The following FRY variants were observed in gnomAD, a reference collection of about 807,000 sequenced individuals.
FRY encodes the protein protein furry homolog.
A neutral mutation model predicts 348.4 loss-of-function variants in FRY; 128 were observed. That is an observed-to-expected ratio of 0.37 (90% confidence interval 0.32 to 0.43). The LOEUF (loss-of-function observed/expected upper bound fraction) is 0.43, where lower values mean the gene tolerates loss of function less well. Ranked by LOEUF, FRY falls within the 20% of genes least tolerant of loss-of-function variation. FRY has a pLI of 1.00. For synonymous variants in FRY, 1,370 were observed against 1,374.7 expected (o/e 1.00, Z 0.08); for missense variants, 2,736 against 3,695.2 (o/e 0.74, Z 6.73).
rs137988491 is a variant in FRY, at chr13:32,266,137, A to T, written c.7946+521A>T. 7.1e-4 allele frequency among the ~76,000 whole-genome samples: 108 copies of T among 152,342 alleles called. 1 individual carries two copies. In the East Asian group the frequency reaches 0.018, roughly 26 times the overall value. On this transcript the variant is annotated intron_variant, in intron 54 of 60. Transcript: ENST00000542859. ...ATCCAGCATCTAGAATAAATCACAAATAATAATGCTACAGATCTACTTCAG... is the reference window on the plus strand; with the variant it reads ...ATCCAGCATCTAGAATAAATCACAATTAATAATGCTACAGATCTACTTCAG...
At chr13:32,272,872 A>G (rs1888274688) in intron 55 of FRY, among the ~76,000 whole-genome samples, 1 of 151,224 alleles carries the variant, frequency 6.6e-6, no homozygotes, top group Non-Finnish European at 1.5e-5. Context: ...AGTAGCTGGG[A>G]TTACAGGTAC....
At chr13:32,196,182 A>G (rs1566124703) in intron 29 of FRY, among the ~76,000 whole-genome samples, 2 of 152,306 alleles carry the variant, frequency 1.3e-5, no homozygotes, top group East Asian at 3.9e-4. Context: ...TGCAAACTGA[A>G]TTTTATTTTA....
intron 1 of FRY, among the ~76,000 whole-genome samples, chr13:32,072,432 AT>A (rs1377347892): frequency 6.6e-6 from 1 of 151,762 alleles, no homozygotes; most frequent in East Asian, 1.9e-4. Context: ...GAAACTATTG[AT>A]TTTTTTTGTC....
intron 1 of FRY, among the ~76,000 whole-genome samples, chr13:32,043,994 A>G (rs1213627352): frequency 6.6e-5 from 10 of 152,184 alleles, no homozygotes. Flanking sequence ...CAGGAGTTTG[A>G]GACCAGCCTG....
At chr13:32,245,006 GT>G (rs1283883409) in intron 47 of FRY, among the ~76,000 whole-genome samples, 1 of 152,064 alleles carries the variant, frequency 6.6e-6, no homozygotes, top group Non-Finnish European at 1.5e-5. Flanking sequence ...CTGGAGTGCA[GT>G]GGCACAATCT....
At chr13:32,093,804 C>T (rs368535205) in intron 2 of FRY, among the ~76,000 whole-genome samples, 3 of 152,178 alleles carry the variant, frequency 2.0e-5, no homozygotes, top group African/African-American at 7.2e-5. Flanking sequence ...CAGCTAAGAA[C>T]TTTCAGGGAC....
intron 26 of FRY, among the ~76,000 whole-genome samples, chr13:32,185,453 T>G (rs1318216957): frequency 6.6e-6 from 1 of 152,216 alleles, no homozygotes; most frequent in African/African-American, 2.4e-5. Context: ...AGAAGGAACA[T>G]TCACACAGGC....
chr13:32,155,079 C>T (rs1031117844), intron 14 of FRY, among the ~76,000 whole-genome samples: 3 of 152,162 alleles, frequency 2.0e-5, no homozygotes, highest in Non-Finnish European at 2.9e-5. Flanking sequence ...ATTTGGAACC[C>T]TGGGTGTTTC....
chr13:32,071,395 G>A (rs1874649478), intron 1 of FRY, among the ~76,000 whole-genome samples: 1 of 152,172 alleles, frequency 6.6e-6, no homozygotes, highest in Non-Finnish European at 1.5e-5. Flanking sequence ...TCATTGAGCA[G>A]TGATTTGTAG....
Position 32,036,687 on chromosome 13 carries a change from T to C in FRY, c.70+4822T>C, listed in dbSNP as rs895740589. Among the ~76,000 whole-genome samples the C allele has an allele frequency of 6.6e-5, 10 of 151,848 alleles. No individual in the cohort carries two copies. The East Asian group carries it at 1.4e-3, about 21-fold the overall frequency. On this transcript the variant is annotated intron_variant, in intron 1 of 60. Transcript: ENST00000542859. ...AGCAAAGGACGCCATATGACCACTCTGTTTATTATCTTCACTCTTTCCAAT... is the reference window on the plus strand; with the variant it reads ...AGCAAAGGACGCCATATGACCACTCCGTTTATTATCTTCACTCTTTCCAAT...
At chr13:32,194,824 C>A (rs779519147) in intron 29 of FRY, among the ~76,000 whole-genome samples, 81 of 152,286 alleles carry the variant, frequency 5.3e-4, no homozygotes, top group Non-Finnish European at 9.6e-4. Context: ...AGCCATTCAG[C>A]ATGATTTATG....
At chr13:32,265,666 T>C (rs369129461) in intron 54 of FRY, 50 bp downstream of exon 54, 8 of 1,544,182 alleles carry the variant, frequency 5.2e-6, no homozygotes, top group Non-Finnish European at 7.1e-6. Flanking sequence ...CATGGTACAT[T>C]ATATGGCATT....
intron 40 of FRY, among the ~76,000 whole-genome samples, chr13:32,230,467 C>T (rs1593774479): frequency 6.6e-6 from 1 of 152,180 alleles, no homozygotes; most frequent in East Asian, 1.9e-4. Flanking sequence ...TAGCCTCTAG[C>T]TCCATCCATG....
chr13:32,265,703 C>T lies in FRY; in HGVS notation c.7946+87C>T, dbSNP rs1887888878. The T allele has an allele frequency of 7.0e-6, 9 of 1,294,224 alleles. No individual in the cohort carries two copies. In the South Asian group the frequency reaches 1.1e-4, roughly 16 times the overall value. The allele number at this position is 1,294,224 out of a possible 1,614,324, so 80.2% of individuals were successfully genotyped here. Reference sequence around the variant, plus strand: ...ACACTCAAGTTAAGTGTCACAGTTGCACTGCTGGGACATCCTAATAAAGGA... The same window carrying T: ...ACACTCAAGTTAAGTGTCACAGTTGTACTGCTGGGACATCCTAATAAAGGA... On this transcript the variant is annotated intron_variant, in intron 54 of 60. Transcript: ENST00000542859.
chr13:32,156,111 G>T (rs1881091760), intron 15 of FRY, among the ~76,000 whole-genome samples: 1 of 152,122 alleles, frequency 6.6e-6, no homozygotes, highest in South Asian at 2.1e-4. Flanking sequence ...TAGACTACAT[G>T]AGATGATTTT....
intron 4 of FRY, among the ~76,000 whole-genome samples, chr13:32,119,090 G>A (rs1878486525): frequency 6.6e-6 from 1 of 152,176 alleles, no homozygotes; most frequent in Admixed American, 6.5e-5. Flanking sequence ...AGTAAGTACT[G>A]AGATCAGATA....
chr13:32,117,147 G>C (rs372187560), intron 3 of FRY, among the ~76,000 whole-genome samples, 187 bp from the exon 4 acceptor site: 8 of 152,230 alleles, frequency 5.3e-5, no homozygotes, highest in African/African-American at 1.9e-4. Context: ...ATTCTTATAT[G>C]GGGAACATTT....
intron 18 of FRY, among the ~76,000 whole-genome samples, chr13:32,172,544 TGAG>T (rs1188279931): frequency 6.6e-6 from 1 of 152,142 alleles, no homozygotes; most frequent in East Asian, 1.9e-4. Flanking sequence ...CAGAGCGCAT[TGAG>T]GAGGAGTGTT....
chr13:32,252,702 A>G (rs1887143034), intron 50 of FRY, among the ~76,000 whole-genome samples: 2 of 152,190 alleles, frequency 1.3e-5, no homozygotes, highest in South Asian at 4.2e-4. Flanking sequence ...AGCTATTTTT[A>G]AATTTCAAAA....
Sources: gnomAD v4.1 joint callset for allele counts (sites outside exome capture counted in the v4.1 genomes callset) on GRCh38, gnomAD v4.1.1 for gene constraint, MANE v1.5 for transcripts, NCBI Gene and HGNC (gene_info 2026-07-23, HGNC 2026-07-21) for gene names.